The following MCM4 variants were observed in gnomAD, a reference collection of about 807,000 sequenced individuals.
MCM4 encodes the protein minichromosome maintenance complex component 4, also known as DNA replication licensing factor MCM4.
In MCM4, 60 loss-of-function variants were observed where a neutral mutation model predicts 88.7. The ratio of observed to expected loss-of-function variants is 0.68; its 90% CI spans 0.55 to 0.84. The LOEUF is 0.84. Among genes scored for constraint, MCM4 ranks in the 40% least tolerant of loss-of-function variants. The pLI is 0.00. For missense variants in MCM4, 1,149 were observed against 1,105.5 expected (o/e 1.04, Z -0.56); for synonymous variants, 465 against 410.5 (o/e 1.13, Z -1.61).
At chr8:47,967,295 A>G in intron 9 of MCM4, 70 bp from the exon 10 acceptor site, 5 of 1,589,258 alleles carry the variant, frequency 3.1e-6, no homozygotes, top group South Asian at 2.3e-5. Flanking sequence ...AAAGCAGTAC[A>G]AAGACATGCA....
rs2090815136 is a variant in MCM4, at chr8:47,960,982, C to A, written c.-47C>A. ...ACTCGCCAGGTGGACTCGGAGTCCGCGAGCGTCGTCGGCAAGCGGCCGCCT... is the reference window on the plus strand; with the variant it reads ...ACTCGCCAGGTGGACTCGGAGTCCGAGAGCGTCGTCGGCAAGCGGCCGCCT... On this transcript the variant is annotated 5_prime_UTR_variant, in exon 1 of 17. Coordinates refer to ENST00000649973, the MANE Select transcript of MCM4 (RefSeq NM_182746.3). 1.5e-6 allele frequency: 1 copy of A among 674,920 alleles called. No individual in the cohort carries two copies. The highest frequency in any genetic ancestry group is 2.3e-6 in the Non-Finnish European group (1 of 442,398). The allele number at this position is 674,920 out of a possible 1,614,324, so 41.8% of individuals were successfully genotyped here. A position where few individuals can be genotyped will look rare whatever the true frequency, so the allele number is the denominator to read the frequency against.
chr8:47,975,367 C>T (rs2090992635), intron 15 of MCM4: 1 of 140,362 alleles, frequency 7.1e-6, no homozygotes, highest in African/African-American at 3.0e-5. Flanking sequence ...GTGTGATGTT[C>T]CCCTTCCTGT....
Position 47,970,544 on chromosome 8 carries a change from A to C in MCM4, c.1468A>C (p.Lys490Gln). ...ILLQLFGGTR[K>Q]DFSHTGRGKF... ...GCTTCAGCTCTTTGGCGGGACAAGGAAGGATTTTAGTCACACTGGAAGGGG... is the reference window on the plus strand; with the variant it reads ...GCTTCAGCTCTTTGGCGGGACAAGGCAGGATTTTAGTCACACTGGAAGGGG... The change falls in exon 12 of 17, where the codon AAG becomes CAG. Residue 490 changes from lysine to glutamine, a missense_variant. By Grantham distance (53) the Lys-to-Gln change is moderately conservative (BLOSUM62 1). Around this residue, in one of 3 missense-constraint regions of MCM4, gnomAD observed 906 missense variants for 843.0 expected, o/e 1.07. Transcript: ENST00000649973. 1 of 1,606,306 alleles carries C rather than the reference A, an allele frequency of 6.2e-7. No homozygotes were observed. The highest frequency in any genetic ancestry group is 8.5e-7 in the Non-Finnish European group (1 of 1,173,728).
intron 13 of MCM4, among the ~76,000 whole-genome samples, chr8:47,972,076 C>T (rs2090957741): frequency 6.6e-6 from 1 of 151,490 alleles, no homozygotes. Context: ...TACTAAAATA[C>T]AAAAAATTAG....
At position 47,969,834 on chromosome 8, in the gene MCM4, G is replaced by A; in HGVS notation, c.1211G>A (p.Arg404Lys). Reference sequence around the variant, plus strand: ...GCTGTGCCTATTCGAGTCAATCCAAGAGTGAGTAATGTGAAGTCTGTCTAC... The same window carrying A: ...GCTGTGCCTATTCGAGTCAATCCAAAAGTGAGTAATGTGAAGTCTGTCTAC... ...YRAVPIRVNP[R>K]VSNVKSVYKT... Residue 404 changes from arginine to lysine, a missense_variant, in exon 11 of 17, where the codon AGA becomes AAA. Physicochemically the swap from Arg to Lys is conservative, Grantham distance 26. Around this residue, in one of 3 missense-constraint regions of MCM4, gnomAD observed 906 missense variants for 843.0 expected, o/e 1.07. Coordinates refer to ENST00000649973, the MANE Select transcript of MCM4 (RefSeq NM_182746.3). 6.2e-7 allele frequency: 1 copy of A among 1,614,246 alleles called. No homozygotes were observed. The highest frequency in any genetic ancestry group is 8.5e-7 in the Non-Finnish European group (1 of 1,180,046).
chr8:47,964,541 A>T, intron 7 of MCM4, 33 bp from the exon 8 acceptor site: 1 of 1,533,966 alleles, frequency 6.5e-7, no homozygotes, highest in Non-Finnish European at 8.8e-7. Context: ...CTGAGATATG[A>T]ATACAAATAC....
At chr8:47,962,469 A>C (rs1216095015) in intron 5 of MCM4, 63 bp downstream of exon 5, 7 of 1,510,986 alleles carry the variant, frequency 4.6e-6, no homozygotes, top group Non-Finnish European at 2.8e-6. Context: ...CCGTGTTTAT[A>C]ATCTATATCT....
chr8:47,967,446 G>A lies in MCM4; in HGVS notation c.1135G>A (p.Val379Ile), dbSNP rs1422162550. ...TATCCTGTTTGCTCACAATGATCTC[G>A]TTGACAAGGTCCAGCCTGGGGACAG... ...TVILFAHNDL[V>I]DKVQPGDRVN... Residue 379 changes from valine (V) to isoleucine (I), a missense_variant, in exon 10 of 17, where the codon GTT becomes ATT. Coordinates refer to ENST00000649973, the MANE Select transcript of MCM4 (RefSeq NM_182746.3). 3.1e-6 allele frequency: 5 copies of A among 1,614,144 alleles called. No homozygotes were observed. The African/African-American group carries it at 4.0e-5, about 13-fold the overall frequency.
chr8:47,967,391 C>T lies in MCM4; in HGVS notation c.1080C>T (p.Asp360=), dbSNP rs918483515. Residue 360 remains aspartate, a synonymous_variant, in exon 10 of 17, where the codon GAC becomes GAT. Transcript: ENST00000649973. ...TCAAGCTTCAGGAGTCTCCGGAAGACATGCCTGCAGGGCAGACACCACACA... is the reference window on the plus strand; with the variant it reads ...TCAAGCTTCAGGAGTCTCCGGAAGATATGCCTGCAGGGCAGACACCACACA... The part of the protein sequence containing the change: ...QMIKLQESPE[D]MPAGQTPHTV... The T allele has an allele frequency of 3.7e-6, 6 of 1,614,080 alleles. No individual in the cohort carries two copies. The highest frequency in any genetic ancestry group is 2.2e-5 in the East Asian group (1 of 44,904).
intron 9 of MCM4, among the ~76,000 whole-genome samples, 160 bp from the exon 10 acceptor site, chr8:47,967,205 G>A (rs1467472384): frequency 6.6e-6 from 1 of 152,230 alleles, no homozygotes; most frequent in Non-Finnish European, 1.5e-5. Flanking sequence ...AACTTCTTTA[G>A]AAGAAGTAAT....
Position 47,966,275 on chromosome 8 carries a change from A to C in MCM4, c.921A>C (p.Gln307His). 1.2e-6 allele frequency: 2 copies of C among 1,614,028 alleles called. No individual in the cohort carries two copies. The highest frequency in any genetic ancestry group is 8.5e-7 in the Non-Finnish European group (1 of 1,180,006). Residue 307 changes from glutamine (Q) to histidine (H), a missense_variant, in exon 9 of 17, where the codon CAA becomes CAC. Physicochemically the swap from Gln to His is conservative, Grantham distance 24 (BLOSUM62 0). Coordinates refer to ENST00000649973, the MANE Select transcript of MCM4 (RefSeq NM_182746.3). ...TGCAGGAGGCCTTCTTCCAGTGCCA[A>C]GTGTGTGCCCACACGACCCGGGTGG... ...PEMQEAFFQC[Q>H]VCAHTTRVEM... is the part of the protein sequence containing the mutation.
At chr8:47,965,985 T>A (rs1002993540) in intron 8 of MCM4, among the ~76,000 whole-genome samples, 15 of 152,106 alleles carry the variant, frequency 9.9e-5, no homozygotes, top group Non-Finnish European at 1.6e-4. Context: ...GAGGGATGCC[T>A]GCTGGACAGG....
intron 16 of MCM4, 105 bp from the exon 17 acceptor site, chr8:47,976,579 AAG>A (rs748552283): frequency 8.8e-4 from 679 of 770,630 alleles, no homozygotes; most frequent in Non-Finnish European, 1.3e-3. Context: ...AGCCACCAAA[AAG>A]AGAAAGATTC....
chr8:47,971,294 T>A (rs775042663), intron 12 of MCM4, 47 bp from the exon 13 acceptor site: 4 of 1,609,170 alleles, frequency 2.5e-6, no homozygotes, highest in Non-Finnish European at 3.4e-6. Flanking sequence ...GCTTGTTAAT[T>A]GCCAGCGTCA....
Position 47,975,015 on chromosome 8 carries a change from T to C in MCM4, c.2365+53T>C, listed in dbSNP as rs565416114. 1.5e-5 allele frequency: 21 copies of C among 1,392,054 alleles called. 1 individual carries two copies. In the South Asian group the frequency reaches 2.0e-4, roughly 13 times the overall value. 86.2% of individuals were successfully genotyped at this position (1,392,054 alleles called of 1,614,324 possible). On this transcript the variant is annotated intron_variant, in intron 15 of 16. Coordinates refer to ENST00000649973, the MANE Select transcript of MCM4 (RefSeq NM_182746.3). ...CTTTTGAAAATTATTTCAATATGCATGTAGTTTATATGTCAGATTTAAGCT... is the reference window on the plus strand; with the variant it reads ...CTTTTGAAAATTATTTCAATATGCACGTAGTTTATATGTCAGATTTAAGCT...
In MCM4 at chr8:47,970,787, TGC is replaced by T; in HGVS notation, c.1712_1713del (p.Cys571LeufsTer4). 6.2e-7 allele frequency: 1 copy of T among 1,614,202 alleles called. No homozygotes were observed. The highest frequency in any genetic ancestry group is 8.5e-7 in the Non-Finnish European group (1 of 1,180,040). On this transcript the variant is annotated frameshift_variant, in exon 12 of 17. Coordinates refer to ENST00000649973, the MANE Select transcript of MCM4 (RefSeq NM_182746.3). LOFTEE classifies it high-confidence loss of function. Reference protein sequence around the residue: ...GALVLSDNGICCIDEFDKMNE... With the variant: ...GALVLSDNGIXCIDEFDKMNE... ...TCTTGTCCTGAGTGACAACGGCATC[TGC>T]TGTATCGATGAGTTCGACAAGATGA...
rs2090878771 is a variant in MCM4, at chr8:47,964,463, A to G, written c.694-111A>G. 4 of 745,706 alleles carry G rather than the reference A, an allele frequency of 5.4e-6. No individual in the cohort carries two copies. The East Asian group carries it at 1.1e-4, about 20-fold the overall frequency. The allele number at this position is 745,706 out of a possible 1,614,324, so 46.2% of individuals were successfully genotyped here. A position where few individuals can be genotyped will look rare whatever the true frequency, so the allele number is the denominator to read the frequency against. On this transcript the variant is annotated intron_variant, in intron 7 of 16. Coordinates refer to ENST00000649973, the MANE Select transcript of MCM4 (RefSeq NM_182746.3). ...CACGTGCATGATTCTGTAGGGTAAT[A>G]CTTTGGGGACATGACATGTTGTCTT...
Position 47,966,189 on chromosome 8 carries a change from A to G in MCM4, c.835A>G (p.Ile279Val), listed in dbSNP as rs1420340121. 3.1e-6 allele frequency: 5 copies of G among 1,613,768 alleles called. No individual in the cohort carries two copies. The highest frequency in any genetic ancestry group is 1.1e-5 in the South Asian group (1 of 91,084). Reference sequence around the variant, plus strand: ...TGACCTCTCTTCTCCCCTCACAGACATTGACCAGCTCATCACCATCAGCGG... The same window carrying G: ...TGACCTCTCTTCTCCCCTCACAGACGTTGACCAGCTCATCACCATCAGCGG... ...KNMRNLNPED[I>V]DQLITISGMV... The change falls in exon 9 of 17, where the codon ATT becomes GTT. Residue 279 changes from isoleucine (I) to valine (V), a missense_variant and splice_region_variant. Transcript: ENST00000649973.
In MCM4 at chr8:47,972,810, G is replaced by A. The variant is rs769243627; in HGVS notation, c.1929-47G>A. ...AACCTCAGGTGATCCACCTGCCTCGGCCTCACAAGGTGCTGGAAAAACAGT... is the reference window on the plus strand; with the variant it reads ...AACCTCAGGTGATCCACCTGCCTCGACCTCACAAGGTGCTGGAAAAACAGT... On this transcript the variant is annotated intron_variant, in intron 13 of 16. Coordinates refer to ENST00000649973, the MANE Select transcript of MCM4 (RefSeq NM_182746.3). 8.5e-6 allele frequency: 13 copies of A among 1,522,940 alleles called. No homozygotes were observed. The Admixed American group carries it at 1.8e-4, about 21-fold the overall frequency. 94.3% of individuals were successfully genotyped at this position (1,522,940 alleles called of 1,614,324 possible).
Sources: allele counts gnomAD v4.1 joint callset (sites outside exome capture counted in the v4.1 genomes callset), GRCh38; gene constraint gnomAD v4.1.1; regional missense constraint gnomAD v4.1.1; transcripts MANE v1.5; gene names NCBI Gene and HGNC (gene_info 2026-07-23, HGNC 2026-07-21).